The following ZNRF1 variants were observed in gnomAD, a reference collection of about 807,000 sequenced individuals.
The protein encoded by ZNRF1 is E3 ubiquitin-protein ligase ZNRF1.
Under a neutral mutation model 18.4 loss-of-function variants are expected in ZNRF1, and 3 were observed. The ratio of observed to expected loss-of-function variants is 0.16; its 90% CI spans 0.07 to 0.42. The LOEUF is 0.42. Ranked by LOEUF, ZNRF1 falls within the 10% of genes least tolerant of loss-of-function variation. The probability of loss-of-function intolerance (pLI) is 0.99; values close to 1 mark genes in which losing one functional copy is unlikely to be tolerated. For synonymous variants in ZNRF1, 157 were observed against 144.2 expected, an observed-to-expected ratio of 1.09 and a Z score of -0.64; for missense variants, 310 against 329.8, an observed-to-expected ratio of 0.94 and a Z score of 0.47.
intron 1 of ZNRF1, among the ~76,000 whole-genome samples, chr16:75,008,922 T>C (rs998170543): frequency 6.6e-6 from 1 of 152,226 alleles, no homozygotes; most frequent in African/African-American, 2.4e-5. Context: ...TTCTTTGTGA[T>C]TCCAGCTAAG....
rs2036294395 is a variant in ZNRF1, at chr16:75,104,774, C to T, written c.521-10C>T. ...TAACCCTCCTGCACTCTCCCCTGTCCCCCTTGCAGATGATGTGCTGACTAA... is the reference window on the plus strand; with the variant it reads ...TAACCCTCCTGCACTCTCCCCTGTCTCCCTTGCAGATGATGTGCTGACTAA... On this transcript the variant is annotated splice_polypyrimidine_tract_variant and intron_variant, in intron 2 of 4. Transcript: ENST00000335325. The T allele has an allele frequency of 3.8e-6, 6 of 1,591,366 alleles. No homozygotes were observed. In the East Asian group the frequency reaches 1.4e-4, roughly 36 times the overall value.
chr16:75,088,130 C>A (rs1413132726), intron 1 of ZNRF1, among the ~76,000 whole-genome samples: 1 of 152,186 alleles, frequency 6.6e-6, no homozygotes, highest in Non-Finnish European at 1.5e-5. Context: ...ATCAAAATTT[C>A]CTGGATGTTT....
At chr16:75,071,039 G>A (rs1048023756) in intron 1 of ZNRF1, among the ~76,000 whole-genome samples, 4 of 151,728 alleles carry the variant, frequency 2.6e-5, no homozygotes, top group African/African-American at 9.7e-5. Flanking sequence ...CACAGCAGAA[G>A]CAGCTAGTCT....
intron 1 of ZNRF1, among the ~76,000 whole-genome samples, chr16:75,086,426 A>G (rs1259445764): frequency 1.3e-5 from 2 of 152,204 alleles, no homozygotes; most frequent in Non-Finnish European, 2.9e-5. Flanking sequence ...CGAAGAGGCA[A>G]AAGCCAGAAT....
rs189816231 is a variant in ZNRF1 at position 75,046,986 on chromosome 16, G to A, written c.425-46586G>A. 20 of 152,264 alleles carry A rather than the reference G, an allele frequency of 1.3e-4. No homozygotes were observed. The East Asian group carries it at 3.3e-3, about 25-fold the overall frequency. The allele number at this position is 152,264 out of a possible 1,614,324, so 9.4% of individuals were successfully genotyped here. A position where few individuals can be genotyped will look rare whatever the true frequency, so the allele number is the denominator to read the frequency against. On this transcript the variant is annotated intron_variant, in intron 1 of 4. Transcript: ENST00000335325. Reference sequence around the variant, plus strand: ...ATTTTTTATTTCTGTGGATTTCTCTGTACTTGTACCACTTATAAGAATCCC... The same window carrying A: ...ATTTTTTATTTCTGTGGATTTCTCTATACTTGTACCACTTATAAGAATCCC...
chr16:75,103,184 C>T (rs1284437902), intron 2 of ZNRF1, among the ~76,000 whole-genome samples: 1 of 152,156 alleles, frequency 6.6e-6, no homozygotes, highest in African/African-American at 2.4e-5. Context: ...GTCGCCGGCA[C>T]GCAGAATGCC....
At chr16:75,089,793 CCTT>C (rs982611349) in intron 1 of ZNRF1, among the ~76,000 whole-genome samples, 37 of 152,214 alleles carry the variant, frequency 2.4e-4, no homozygotes, top group African/African-American at 8.2e-4. Flanking sequence ...CCCTTGTAGA[CCTT>C]CTTGTTGGGT....
rs1313513705 is a variant in ZNRF1, at chr16:75,107,788, A to T, written c.*88A>T. 2.8e-5 allele frequency: 13 copies of T among 456,360 alleles called. No homozygotes were observed. Among genetic ancestry groups the T allele is most frequent in the Middle Eastern group, 3.2e-4 (1 of 3,092 alleles). The allele number at this position is 456,360 out of a possible 1,614,324, so 28.3% of individuals were successfully genotyped here. ...CTCACCGGACCCTGGGGCAGAGCTG[A>T]GCTTGGGACACCAGCGGGAACAGGG... On this transcript the variant is annotated 3_prime_UTR_variant, in exon 5 of 5. Coordinates refer to ENST00000335325, the MANE Select transcript of ZNRF1 (RefSeq NM_032268.5).
intron 1 of ZNRF1, among the ~76,000 whole-genome samples, chr16:75,077,623 A>T (rs552040920): frequency 6.6e-6 from 1 of 152,334 alleles, no homozygotes; most frequent in African/African-American, 2.4e-5. Flanking sequence ...GCTGTAGCAA[A>T]TATCCACAAA....
At chr16:75,025,663 T>C (rs1247426172) in intron 1 of ZNRF1, among the ~76,000 whole-genome samples, 1 of 152,164 alleles carries the variant, frequency 6.6e-6, no homozygotes, top group African/African-American at 2.4e-5. Flanking sequence ...CAGAGGACAT[T>C]TCGTAAGAGG....
chr16:75,044,731 A>G (rs1443518265), intron 1 of ZNRF1, among the ~76,000 whole-genome samples: 2 of 152,220 alleles, frequency 1.3e-5, no homozygotes, highest in Non-Finnish European at 2.9e-5. Context: ...CAGTATGGCC[A>G]TATTTTTAAT....
chr16:75,030,586 A>G (rs1211382517), intron 1 of ZNRF1, among the ~76,000 whole-genome samples: 1 of 152,090 alleles, frequency 6.6e-6, no homozygotes, highest in African/African-American at 2.4e-5. Context: ...AAAAATAATA[A>G]ATTTTAGAAC....
intron 3 of ZNRF1, 187 bp from the exon 4 acceptor site, chr16:75,106,295 C>T (rs549128548): frequency 2.0e-5 from 12 of 615,098 alleles, no homozygotes. Context: ...CAAGACTAGT[C>T]TTGGTGTTCA....
In ZNRF1 at chr16:75,056,838, T is replaced by C. The variant is rs908946321; in HGVS notation, c.425-36734T>C. Reference sequence around the variant, plus strand: ...GATGGGGTAACTTAAGAAGTTACCATGTTGGCCAGGCTGGTTTTGAACTCC... The same window carrying C: ...GATGGGGTAACTTAAGAAGTTACCACGTTGGCCAGGCTGGTTTTGAACTCC... On this transcript the variant is annotated intron_variant, in intron 1 of 4. Transcript: ENST00000335325. Among the ~76,000 whole-genome samples, 10 of 152,250 alleles carry C rather than the reference T, an allele frequency of 6.6e-5. 1 individual carries two copies. The highest frequency in any genetic ancestry group is 5.9e-4 in the Admixed American group (9 of 15,284).
intron 1 of ZNRF1, among the ~76,000 whole-genome samples, chr16:75,076,703 C>G (rs1270283336): frequency 6.7e-6 from 1 of 149,432 alleles, no homozygotes; most frequent in Admixed American, 6.6e-5. Context: ...CCCCTCCTCC[C>G]CCAAAATTCA....
intron 1 of ZNRF1, among the ~76,000 whole-genome samples, chr16:75,066,236 A>G (rs2035802304): frequency 6.6e-6 from 1 of 152,186 alleles, no homozygotes; most frequent in Non-Finnish European, 1.5e-5. Flanking sequence ...ACTCCAAATA[A>G]AGTATCAGAT....
At chr16:75,077,538 C>G (rs1310624092) in intron 1 of ZNRF1, among the ~76,000 whole-genome samples, 1 of 152,066 alleles carries the variant, frequency 6.6e-6, no homozygotes, top group Non-Finnish European at 1.5e-5. Context: ...CTCAAAAAAA[C>G]AAACAAAAAA....
At chr16:75,075,686 C>G (rs1396668445) in intron 1 of ZNRF1, among the ~76,000 whole-genome samples, 3 of 152,220 alleles carry the variant, frequency 2.0e-5, no homozygotes, top group African/African-American at 7.2e-5. Context: ...TAAACAGACT[C>G]TGCCTTCAAG....
At chr16:75,073,158 C>CTCTG (rs1274505862) in intron 1 of ZNRF1, among the ~76,000 whole-genome samples, 2 of 151,114 alleles carry the variant, frequency 1.3e-5, no homozygotes, top group South Asian at 2.1e-4. Context: ...CTCTCTGTCT[C>CTCTG]TCTGTCTATA....
Sources: allele counts gnomAD v4.1 joint callset (sites outside exome capture counted in the v4.1 genomes callset), GRCh38; gene constraint gnomAD v4.1.1; transcripts MANE v1.5; gene names NCBI Gene and HGNC (gene_info 2026-07-23, HGNC 2026-07-21).